Variants in PLSCR1 observed in about 807,000 individuals in gnomAD.
The protein encoded by PLSCR1 is PL scramblase 1.
In PLSCR1, 17 loss-of-function variants were observed where a neutral mutation model predicts 37.8. That is an observed-to-expected ratio of 0.45 (90% CI 0.31 to 0.68). The LOEUF (loss-of-function observed/expected upper bound fraction) is 0.68. Ranked by LOEUF, PLSCR1 falls within the 30% of genes least tolerant of loss-of-function variation. The pLI is 0.06. For missense variants in PLSCR1, 347 were observed against 380.9 expected (o/e 0.91, Z 0.74); for synonymous variants, 116 against 125.9 (o/e 0.92, Z 0.53).
At position 146,524,702 on chromosome 3, in the gene PLSCR1, A is replaced by T. The variant is rs188173042; in HGVS notation, c.355+903T>A. 3.3e-5 allele frequency among the ~76,000 whole-genome samples: 5 copies of T among 152,248 alleles called. No individual in the cohort carries two copies. In the South Asian group the frequency reaches 6.2e-4, roughly 19 times the overall value. ...AGAAAGCTTTGTTTAGATACACTAA[A>T]AAAAAAATCAAGTAACTTATAAATA... On this transcript the variant is annotated intron_variant, in intron 5 of 8. Transcript: ENST00000342435.
chr3:146,541,995 C>A (rs1020793387), intron 1 of PLSCR1, among the ~76,000 whole-genome samples: 9 of 152,162 alleles, frequency 5.9e-5, no homozygotes, highest in African/African-American at 1.9e-4. Flanking sequence ...TCATGCACCA[C>A]AACAACAGAT....
chr3:146,531,292 G>A (rs2044195533), intron 3 of PLSCR1, among the ~76,000 whole-genome samples: 1 of 152,144 alleles, frequency 6.6e-6, no homozygotes. Flanking sequence ...AGCAAGCCAG[G>A]CTCAAGAGGA....
rs201964533 is a variant in PLSCR1 at position 146,528,567 on chromosome 3, G to A, written c.312+47C>T. The A allele has an allele frequency of 6.9e-6, 10 of 1,455,724 alleles. No individual in the cohort carries two copies. In the Admixed American group the frequency reaches 1.3e-4, roughly 19 times the overall value. 90.2% of individuals were successfully genotyped at this position (1,455,724 alleles called of 1,614,324 possible). A position where few individuals can be genotyped will look rare whatever the true frequency, so the allele number is the denominator to read the frequency against. ...TTTGCTAATCTGGTTAAGCAAGCTG[G>A]AAGCACAGTTCTGTTTTTTATGAGT... On this transcript the variant is annotated intron_variant, in intron 4 of 8. Transcript: ENST00000342435.
chr3:146,533,325 C>A (rs1056521146), intron 3 of PLSCR1, 145 bp downstream of exon 3: 1 of 434,986 alleles, frequency 2.3e-6, no homozygotes, highest in African/African-American at 2.0e-5. Flanking sequence ...GCCAAAATTT[C>A]ATTAATATAA....
intron 7 of PLSCR1, 118 bp downstream of exon 7, chr3:146,521,426 A>G: frequency 1.2e-6 from 1 of 844,774 alleles, no homozygotes; most frequent in Non-Finnish European, 1.9e-6. Context: ...TGAGAAAATC[A>G]TCTTGCTATT....
chr3:146,532,258 T>G (rs2044209152), intron 3 of PLSCR1, among the ~76,000 whole-genome samples: 2 of 152,148 alleles, frequency 1.3e-5, no homozygotes, highest in Non-Finnish European at 2.9e-5. Context: ...CTTAAGTGCC[T>G]TGGATGAATA....
At chr3:146,543,469 A>T (rs2044363541) in intron 1 of PLSCR1, among the ~76,000 whole-genome samples, 1 of 152,018 alleles carries the variant, frequency 6.6e-6, no homozygotes, top group African/African-American at 2.4e-5. Flanking sequence ...TCTTAGAAAA[A>T]GTTCAAGAAG....
At chr3:146,534,731 C>T (rs755332770) in intron 2 of PLSCR1, among the ~76,000 whole-genome samples, 60 of 152,184 alleles carry the variant, frequency 3.9e-4, no homozygotes, top group Middle Eastern at 3.4e-3. Flanking sequence ...CAAAAATTAG[C>T]CAGGCATGGT....
At position 146,515,842 on chromosome 3, in the gene PLSCR1, T is replaced by C; in HGVS notation, c.*203A>G. 5.1e-6 allele frequency: 2 copies of C among 393,992 alleles called. No homozygotes were observed. The highest frequency in any genetic ancestry group is 9.0e-6 in the Non-Finnish European group (2 of 221,532). 24.4% of individuals were successfully genotyped at this position (393,992 alleles called of 1,614,324 possible). A position where few individuals can be genotyped will look rare whatever the true frequency, so the allele number is the denominator to read the frequency against. The stretch of plus-strand genomic sequence containing the variant: ...AATAAATGCAAAAACTCATATGTCC[T>C]TTTTCTCAAATTGACAATGAGTATT... On this transcript the variant is annotated 3_prime_UTR_variant, in exon 9 of 9. Transcript: ENST00000342435.
At chr3:146,526,804 T>TTC (rs79238675) in intron 4 of PLSCR1, among the ~76,000 whole-genome samples, 18,919 of 152,092 alleles carry the variant, frequency 0.12, 1,489 homozygotes, top group Non-Finnish European at 0.18. Flanking sequence ...ATACTGAATG[T>TTC]TCTCACTCAT....
intron 4 of PLSCR1, among the ~76,000 whole-genome samples, chr3:146,527,245 G>A (rs2044130623): frequency 6.6e-6 from 1 of 152,020 alleles, no homozygotes; most frequent in Admixed American, 6.6e-5. Context: ...CTAGATAGGA[G>A]GAATAAATTC....
chr3:146,539,572 G>A (rs3773521), intron 1 of PLSCR1, among the ~76,000 whole-genome samples: 13,386 of 152,226 alleles, frequency 0.088, 808 homozygotes, highest in Non-Finnish European at 0.11. Context: ...CTTTCACAAG[G>A]TCAGAGATCA....
intron 5 of PLSCR1, among the ~76,000 whole-genome samples, chr3:146,525,081 A>G (rs1286634312): frequency 1.3e-5 from 2 of 152,188 alleles, no homozygotes; most frequent in Non-Finnish European, 2.9e-5. Flanking sequence ...GTGCTCTTCT[A>G]TGAAGCCAAG....
intron 8 of PLSCR1, 151 bp from the exon 9 acceptor site, chr3:146,516,252 AT>A: frequency 2.0e-6 from 1 of 502,178 alleles, no homozygotes; most frequent in Non-Finnish European, 3.5e-6. Flanking sequence ...AAGCTCTATA[AT>A]TATATAAGTT....
In PLSCR1 at chr3:146,516,027, G is replaced by C; in HGVS notation, c.*18C>G. On this transcript the variant is annotated 3_prime_UTR_variant, in exon 9 of 9. Transcript: ENST00000342435. ...ATATACAGACTTCAGATTTCCTGAGGAGACTTTCACTAATCCACTACCACA... is the reference window on the plus strand; with the variant it reads ...ATATACAGACTTCAGATTTCCTGAGCAGACTTTCACTAATCCACTACCACA... The C allele has an allele frequency of 1.9e-6, 3 of 1,552,838 alleles. No homozygotes were observed. Among genetic ancestry groups the C allele is most frequent in the Non-Finnish European group, 2.7e-6 (3 of 1,125,656 alleles).
At chr3:146,520,654 T>C (rs1467920227) in intron 7 of PLSCR1, among the ~76,000 whole-genome samples, 1 of 152,114 alleles carries the variant, frequency 6.6e-6, no homozygotes, top group Non-Finnish European at 1.5e-5. Context: ...TAAAATACCA[T>C]GTGATTAAAG....
chr3:146,521,832 C>A lies in PLSCR1; in HGVS notation c.576+1G>T. On this transcript the variant is annotated splice_donor_variant, in intron 6 of 8. Transcript: ENST00000342435. LOFTEE classifies it high-confidence loss of function. Reference sequence around the variant, plus strand: ...AAGTGCCCTGGTAATTGATCACAGACCTCCTGAAGGCAGCAGGGACAACAA... The same window carrying A: ...AAGTGCCCTGGTAATTGATCACAGAACTCCTGAAGGCAGCAGGGACAACAA... The A allele has an allele frequency of 6.2e-7, 1 of 1,609,774 alleles. No individual in the cohort carries two copies. The highest frequency in any genetic ancestry group is 2.2e-5 in the East Asian group (1 of 44,824).
intron 1 of PLSCR1, among the ~76,000 whole-genome samples, chr3:146,543,056 T>C (rs1019031489): frequency 6.6e-5 from 10 of 152,128 alleles, no homozygotes; most frequent in African/African-American, 2.2e-4. Flanking sequence ...TCAAATCAAC[T>C]AGTCTATGGA....
intron 2 of PLSCR1, among the ~76,000 whole-genome samples, chr3:146,534,280 C>T (rs1466106568): frequency 6.6e-6 from 1 of 152,150 alleles, no homozygotes; most frequent in Non-Finnish European, 1.5e-5. Context: ...CCTGTGTCAC[C>T]CTTGAATTAG....
Sources: allele counts gnomAD v4.1 joint callset (sites outside exome capture counted in the v4.1 genomes callset), GRCh38; gene constraint gnomAD v4.1.1; transcripts MANE v1.5; gene names NCBI Gene and HGNC (gene_info 2026-07-23, HGNC 2026-07-21).